PRICKLE1: variants seen among roughly 807,000 people sequenced by gnomAD.
PRICKLE1 encodes prickle-like protein 1.
Under a neutral mutation model 70.2 loss-of-function variants are expected in PRICKLE1, and 14 were observed. The ratio of observed to expected loss-of-function variants is 0.20; its 90% CI spans 0.13 to 0.31. PRICKLE1 has a LOEUF of 0.31. Ranked by LOEUF, PRICKLE1 falls within the 10% of genes least tolerant of loss-of-function variation. The pLI is 1.00. For missense variants in PRICKLE1, 821 were observed against 1,026.2 expected (o/e 0.80, Z 2.73); for synonymous variants, 357 against 379.9 (o/e 0.94, Z 0.70).
At chr12:42,540,665 C>T (rs529680408) in intron 1 of PRICKLE1, among the ~76,000 whole-genome samples, 6 of 152,150 alleles carry the variant, frequency 3.9e-5, no homozygotes, top group East Asian at 1.9e-4. Flanking sequence ...CGGGTTCAAG[C>T]GATTCTCCTG....
chr12:42,552,375 T>G (rs983394510), intron 1 of PRICKLE1, among the ~76,000 whole-genome samples: 1 of 151,982 alleles, frequency 6.6e-6, no homozygotes, highest in Non-Finnish European at 1.5e-5. Context: ...GCCAAGAAAG[T>G]TCCTTAATGT....
At chr12:42,530,201 C>T (rs1939886130) in intron 1 of PRICKLE1, among the ~76,000 whole-genome samples, 1 of 152,180 alleles carries the variant, frequency 6.6e-6, no homozygotes, top group Non-Finnish European at 1.5e-5. Context: ...GCCTCGGCCT[C>T]TCAAGGTGCT....
intron 2 of PRICKLE1, among the ~76,000 whole-genome samples, chr12:42,472,105 C>A (rs1392024323): frequency 6.6e-6 from 1 of 152,156 alleles, no homozygotes. Context: ...ATACACATAA[C>A]CAATGCATAT....
intron 1 of PRICKLE1, among the ~76,000 whole-genome samples, chr12:42,500,355 A>G (rs1407016151): frequency 1.3e-5 from 2 of 152,234 alleles, no homozygotes; most frequent in Non-Finnish European, 1.5e-5. Flanking sequence ...AGATCTTTAT[A>G]TAATAGTTGC....
intron 1 of PRICKLE1, among the ~76,000 whole-genome samples, chr12:42,515,476 G>A (rs547197247): frequency 9.2e-5 from 14 of 152,218 alleles, no homozygotes; most frequent in African/African-American, 3.4e-4. Flanking sequence ...GACCTCGGGT[G>A]ATCCACCCGT....
intron 1 of PRICKLE1, among the ~76,000 whole-genome samples, chr12:42,503,682 C>A (rs551884893): frequency 1.3e-5 from 2 of 152,302 alleles, no homozygotes; most frequent in African/African-American, 2.4e-5. Flanking sequence ...GTCTTATAGT[C>A]ATAGAAGGGT....
chr12:42,469,804 A>T, intron 3 of PRICKLE1: 1 of 604,096 alleles, frequency 1.7e-6, no homozygotes, highest in South Asian at 2.0e-5. Flanking sequence ...TAAATAAGAA[A>T]TGTTTAATTG....
At chr12:42,573,014 TA>T (rs111792737) in intron 1 of PRICKLE1, among the ~76,000 whole-genome samples, 1 of 151,896 alleles carries the variant, frequency 6.6e-6, no homozygotes, top group Non-Finnish European at 1.5e-5. Context: ...CTTGTATGTT[TA>T]AAAAATTTTT....
In PRICKLE1 at chr12:42,457,300, C is replaced by T. The variant is rs949256701; in HGVS notation, c.*2509G>A. ...TGAGAATGTACTTGAAAAGTGAGGG[C>T]AGTACCTTCACCTTATACCTGCATT... On this transcript the variant is annotated 3_prime_UTR_variant, in exon 8 of 8. Coordinates refer to ENST00000345127, the MANE Select transcript of PRICKLE1 (RefSeq NM_153026.3). 2.0e-5 allele frequency: 3 copies of T among 152,144 alleles called. No individual in the cohort carries two copies. The highest frequency in any genetic ancestry group is 2.0e-4 in the Admixed American group (3 of 15,270). 9.4% of individuals were successfully genotyped at this position (152,144 alleles called of 1,614,324 possible).
chr12:42,506,245 T>TG (rs1939410751), intron 1 of PRICKLE1, among the ~76,000 whole-genome samples: 2 of 100,150 alleles, frequency 2.0e-5, no homozygotes, highest in African/African-American at 1.1e-4. Context: ...AAAAATGTTC[T>TG]TTTTTCTTTC....
At chr12:42,584,151 AT>A (rs1298327329) in intron 1 of PRICKLE1, among the ~76,000 whole-genome samples, 3 of 152,148 alleles carry the variant, frequency 2.0e-5, no homozygotes, top group Admixed American at 2.0e-4. Flanking sequence ...ATTCCCCTCT[AT>A]CCCCCATTTT....
At chr12:42,557,339 G>A (rs1940429379) in intron 1 of PRICKLE1, among the ~76,000 whole-genome samples, 1 of 152,214 alleles carries the variant, frequency 6.6e-6, no homozygotes, top group Non-Finnish European at 1.5e-5. Flanking sequence ...TTAAATAGAT[G>A]AAAGAAGGGC....
At chr12:42,532,137 C>A (rs1939929577) in intron 1 of PRICKLE1, among the ~76,000 whole-genome samples, 2 of 152,328 alleles carry the variant, frequency 1.3e-5, no homozygotes, top group South Asian at 4.1e-4. Context: ...TGCACTCCAG[C>A]CTGGCCCACA....
chr12:42,488,940 T>TA (rs1939038306), intron 1 of PRICKLE1, among the ~76,000 whole-genome samples: 1 of 151,024 alleles, frequency 6.6e-6, no homozygotes, highest in Non-Finnish European at 1.5e-5. Flanking sequence ...TTTTTTTTTT[T>TA]AAGACAGAGT....
rs1940665670 is a variant in PRICKLE1, at chr12:42,568,955, AACACTGAC to A, written c.-49+20502_-49+20509del. On this transcript the variant is annotated intron_variant, in intron 1 of 7. Transcript: ENST00000345127. ...TCCATAGTCCCATCTCTCAGAGAGCAACACTGACATACCAATACACAGTGAAGGCATAC... is the reference window on the plus strand; with the variant it reads ...TCCATAGTCCCATCTCTCAGAGAGCAATACCAATACACAGTGAAGGCATAC... 2.0e-5 allele frequency among the ~76,000 whole-genome samples: 3 copies of A among 152,348 alleles called. No individual in the cohort carries two copies. In the South Asian group the frequency reaches 6.2e-4, roughly 32 times the overall value.
At chr12:42,493,475 A>G (rs1939140166) in intron 1 of PRICKLE1, among the ~76,000 whole-genome samples, 1 of 152,232 alleles carries the variant, frequency 6.6e-6, no homozygotes, top group Non-Finnish European at 1.5e-5. Flanking sequence ...ATTCAAACGA[A>G]TTGACTAACT....
chr12:42,561,905 CTTTTTTTTTTTT>C (rs60450733), intron 1 of PRICKLE1, among the ~76,000 whole-genome samples: 8 of 87,252 alleles, frequency 9.2e-5, no homozygotes, highest in Admixed American at 6.0e-4. Flanking sequence ...TTTTTCTTTT[CTTTTTTTTTTTT>C]TTTTTTTTTT....
chr12:42,491,463 G>A (rs185325027), intron 1 of PRICKLE1, among the ~76,000 whole-genome samples: 345 of 151,938 alleles, frequency 2.3e-3, no homozygotes, highest in African/African-American at 8.1e-3. Context: ...TGAGCCAGGA[G>A]AATCGCTTGA....
chr12:42,510,243 C>T (rs566422703), intron 1 of PRICKLE1, among the ~76,000 whole-genome samples: 54 of 152,036 alleles, frequency 3.6e-4, no homozygotes, highest in Non-Finnish European at 7.2e-4. Flanking sequence ...TACAGGCGCC[C>T]GCCACCAGGC....
Sources: gnomAD v4.1 joint callset for allele counts (sites outside exome capture counted in the v4.1 genomes callset) on GRCh38, gnomAD v4.1.1 for gene constraint, MANE v1.5 for transcripts, NCBI Gene and HGNC (gene_info 2026-07-23, HGNC 2026-07-21) for gene names.